The following ABCC3 variants were observed in gnomAD, a reference collection of about 807,000 sequenced individuals.
The protein encoded by ABCC3 is ATP binding cassette subfamily C member 3, also known as ATP-binding cassette sub-family C member 3.
ABCC3 carries 121 observed loss-of-function variants against 165.3 expected under a neutral mutation model. The observed-to-expected ratio is 0.73, with a 90% CI of 0.63 to 0.85. The LOEUF is 0.85. Among genes scored for constraint, ABCC3 ranks in the 40% least tolerant of loss-of-function variants. The probability of loss-of-function intolerance (pLI) is 0.00; values close to 1 mark genes in which losing one functional copy is unlikely to be tolerated. For synonymous variants in ABCC3, 733 were observed against 810.1 expected (o/e 0.90, Z 1.62); for missense variants, 1,869 against 1,964.1 (o/e 0.95, Z 0.92).
Position 50,664,112 on chromosome 17 carries a change from G to A in ABCC3, c.1338+1G>A. 1 of 1,614,118 alleles carries A rather than the reference G, an allele frequency of 6.2e-7. No homozygotes were observed. The highest frequency in any genetic ancestry group is 8.5e-7 in the Non-Finnish European group (1 of 1,180,004). ...CCTGGCGATCTACTTCCTCTGGCAG[G>A]TGACTCTCCAACCCTGACCTCTGCC... On this transcript the variant is annotated splice_donor_variant, in intron 10 of 30. Coordinates refer to ENST00000285238, the MANE Select transcript of ABCC3 (RefSeq NM_003786.4). LOFTEE classifies it high-confidence loss of function.
At chr17:50,657,499 T>C (rs1567828930) in intron 4 of ABCC3, among the ~76,000 whole-genome samples, 1 of 152,224 alleles carries the variant, frequency 6.6e-6, no homozygotes, top group African/African-American at 2.4e-5. Context: ...AACACATGTA[T>C]GCAGACAAGT....
At chr17:50,656,652 A>G (rs761563377) in intron 2 of ABCC3, 50 bp from the exon 3 acceptor site, 3 of 1,568,828 alleles carry the variant, frequency 1.9e-6, no homozygotes, top group Admixed American at 3.8e-5. Context: ...CCCAGTGAGG[A>G]CTGTCCTTGC....
At chr17:50,680,362 C>A (rs946743191) in intron 26 of ABCC3, among the ~76,000 whole-genome samples, 1 of 152,038 alleles carries the variant, frequency 6.6e-6, no homozygotes, top group Non-Finnish European at 1.5e-5. Flanking sequence ...GGGCAGCATG[C>A]CCTTTGTTGG....
At chr17:50,672,891 C>T (rs1159304897) in intron 17 of ABCC3, 80 bp from the exon 18 acceptor site, 1 of 1,348,456 alleles carries the variant, frequency 7.4e-7, no homozygotes, top group Admixed American at 2.2e-5. Flanking sequence ...AAAAATCTGC[C>T]ATCCCAAATA....
In ABCC3 at chr17:50,683,752, A is replaced by G; in HGVS notation, c.3950A>G (p.Glu1317Gly). Residue 1317 changes from glutamate to glycine, a missense_variant, in exon 27 of 31, where the codon GAG (glutamate) becomes GGG (glycine). Physicochemically the swap from Glu to Gly is moderately conservative, Grantham distance 98. Transcript: ENST00000285238. ...RDLSLHVHGGEKVGIVGRTGA... is the reference protein window; with the variant it reads ...RDLSLHVHGGGKVGIVGRTGA... ...CTGAGTCTGCATGTGCACGGTGGCG[A>G]GAAGGTACGCGTGGGGTAGGCGGGC... 6.2e-7 allele frequency: 1 copy of G among 1,604,732 alleles called. No homozygotes were observed. The highest frequency in any genetic ancestry group is 8.5e-7 in the Non-Finnish European group (1 of 1,176,616).
chr17:50,671,992 G>A (rs1013471026), intron 17 of ABCC3, among the ~76,000 whole-genome samples: 3 of 151,850 alleles, frequency 2.0e-5, no homozygotes, highest in African/African-American at 7.3e-5. Flanking sequence ...AAATTGCTGG[G>A]ATTACAGGCA....
At chr17:50,658,631 C>T in intron 6 of ABCC3, 135 bp downstream of exon 6, 1 of 978,820 alleles carries the variant, frequency 1.0e-6, no homozygotes, top group Non-Finnish European at 1.6e-6. Context: ...GGGCACAGGG[C>T]AGATGAGGGT....
rs1421472021 is a variant in ABCC3, at chr17:50,676,016, A to G, written c.2993A>G (p.Asp998Gly). ...GTGTGGCTCAGTGCCTGGACAAATG[A>G]TGCCATGGCAGACAGTAGACAGAAC... is the stretch of plus-strand genomic sequence containing the variant. ...ANVWLSAWTN[D>G]AMADSRQNNT... The change falls in exon 22 of 31, where the codon GAT becomes GGT. Residue 998 changes from aspartate to glycine, a missense_variant. Physicochemically the swap from Asp to Gly is moderately conservative, Grantham distance 94 (BLOSUM62 -1). Transcript: ENST00000285238. The G allele has an allele frequency of 1.9e-6, 3 of 1,614,200 alleles. No homozygotes were observed. The Admixed American group carries it at 5.0e-5, about 27-fold the overall frequency.
chr17:50,681,556 TC>T (rs1967929663), intron 26 of ABCC3, among the ~76,000 whole-genome samples: 1 of 151,374 alleles, frequency 6.6e-6, no homozygotes, highest in Non-Finnish European at 1.5e-5. Context: ...ACGCAAACCC[TC>T]CCCCCTGCAC....
rs1567839464 is a variant in ABCC3 at position 50,684,816 on chromosome 17, T to C, written c.4221T>C (p.Phe1407=). 3.7e-6 allele frequency: 6 copies of C among 1,614,076 alleles called. No individual in the cohort carries two copies. The highest frequency in any genetic ancestry group is 5.1e-6 in the Non-Finnish European group (6 of 1,180,002). ...TGGAGCTGTCCCACCTGCACACGTT[T>C]GTGAGCTCCCAGCCGGCAGGCCTGG... The part of the protein sequence containing the change: ...WALELSHLHT[F]VSSQPAGLDF... Residue 1407 remains phenylalanine (F), a synonymous_variant, in exon 29 of 31, where the codon TTT becomes TTC. Coordinates refer to ENST00000285238, the MANE Select transcript of ABCC3 (RefSeq NM_003786.4).
At position 50,672,871 on chromosome 17, in the gene ABCC3, A is replaced by T; in HGVS notation, c.2242-100A>T. The T allele has an allele frequency of 2.4e-5, 5 of 209,336 alleles. No individual in the cohort carries two copies. The South Asian group carries it at 7.3e-4, about 30-fold the overall frequency. The allele number at this position is 209,336 out of a possible 1,614,324, so 13.0% of individuals were successfully genotyped here. ...TGGGTGAGTGAGACCCCATCTCAGGAAAAAAAAAAAAAAATCTGCCATCCC... is the reference window on the plus strand; with the variant it reads ...TGGGTGAGTGAGACCCCATCTCAGGTAAAAAAAAAAAAAATCTGCCATCCC... On this transcript the variant is annotated intron_variant, in intron 17 of 30. Transcript: ENST00000285238.
At position 50,678,207 on chromosome 17, in the gene ABCC3, C is replaced by T. The variant is rs1300180400; in HGVS notation, c.3693C>T (p.Ser1231=). 1 of 1,527,640 alleles carries T rather than the reference C, an allele frequency of 6.5e-7. No individual in the cohort carries two copies. Among genetic ancestry groups the T allele is most frequent in the Non-Finnish European group, 8.8e-7 (1 of 1,139,780 alleles). The allele number at this position is 1,527,640 out of a possible 1,614,324, so 94.6% of individuals were successfully genotyped here. ...CGGGGCTGGTGGGCCTTTCTGTGTC[C>T]TACTCCTTGCAGGTATGAAGGGCCT... ...LNPGLVGLSV[S]YSLQVTFALN... The change falls in exon 25 of 31, where the codon TCC becomes TCT. Residue 1231 remains serine, a synonymous_variant. Coordinates refer to ENST00000285238, the MANE Select transcript of ABCC3 (RefSeq NM_003786.4).
Position 50,667,699 on chromosome 17 carries a change from G to T in ABCC3, c.1577G>T (p.Arg526Leu), listed in dbSNP as rs764888307. ...GIRQGELQLLRTAAYLHTTTT... is the reference protein window; with the variant it reads ...GIRQGELQLLLTAAYLHTTTT... ...AGGCAGGGTGAGCTCCAGCTGCTGC[G>T]CACGGCGGCCTACCTCCACACCACA... The change falls in exon 12 of 31, where the codon CGC (arginine) becomes CTC (leucine). Residue 526 changes from arginine to leucine, a missense_variant. Arg to Leu is a moderately radical substitution (Grantham distance 102). Coordinates refer to ENST00000285238, the MANE Select transcript of ABCC3 (RefSeq NM_003786.4). 4 of 1,613,944 alleles carry T rather than the reference G, an allele frequency of 2.5e-6. No individual in the cohort carries two copies.
At chr17:50,653,577 C>T (rs905803075) in intron 1 of ABCC3, among the ~76,000 whole-genome samples, 4 of 149,854 alleles carry the variant, frequency 2.7e-5, no homozygotes, top group Admixed American at 6.7e-5. Context: ...ATGATGAAAC[C>T]CCATTTCTAC....
In ABCC3 at chr17:50,677,754, C is replaced by T; in HGVS notation, c.3389C>T (p.Ala1130Val). The change falls in exon 24 of 31, where the codon GCA becomes GTA. Residue 1130 changes from alanine (A) to valine (V), a missense_variant. Transcript: ENST00000285238. Reference protein sequence around the residue: ...VLYTLVQRFYAATSRQLKRLE... With the variant: ...VLYTLVQRFYVATSRQLKRLE... ...TTCTCCCTCCATCAGCGCTTCTATG[C>T]AGCCACATCACGGCAACTGAAGCGG... 6.2e-7 allele frequency: 1 copy of T among 1,614,056 alleles called. No homozygotes were observed. Among genetic ancestry groups the T allele is most frequent in the Non-Finnish European group, 8.5e-7 (1 of 1,179,990 alleles).
chr17:50,649,198 A>T (rs981673654), intron 1 of ABCC3, among the ~76,000 whole-genome samples: 2 of 152,174 alleles, frequency 1.3e-5, no homozygotes, highest in Non-Finnish European at 2.9e-5. Flanking sequence ...AGCAGAGTTT[A>T]TCTGAGCAAA....
chr17:50,687,877 T>C (rs1968051908), intron 30 of ABCC3, 147 bp downstream of exon 30: 4 of 854,440 alleles, frequency 4.7e-6, no homozygotes, highest in Non-Finnish European at 7.2e-6. Flanking sequence ...TCCCAAGATC[T>C]GGATAAGGGG....
In ABCC3 at chr17:50,634,925, C is replaced by T; in HGVS notation, c.-12C>T. On this transcript the variant is annotated 5_prime_UTR_variant, in exon 1 of 31. Coordinates refer to ENST00000285238, the MANE Select transcript of ABCC3 (RefSeq NM_003786.4). The stretch of plus-strand genomic sequence containing the variant: ...ACCGCGCTCGCCTTCCTTGCAGCCG[C>T]GCCTCGGCCCCATGGACGCCCTGTG... 4 of 1,254,130 alleles carry T rather than the reference C, an allele frequency of 3.2e-6. No individual in the cohort carries two copies. The highest frequency in any genetic ancestry group is 4.0e-6 in the Non-Finnish European group (4 of 997,848). The allele number at this position is 1,254,130 out of a possible 1,614,324, so 77.7% of individuals were successfully genotyped here.
At chr17:50,683,408 G>A (rs550248110) in intron 26 of ABCC3, among the ~76,000 whole-genome samples, 2 of 151,688 alleles carry the variant, frequency 1.3e-5, no homozygotes, top group South Asian at 2.1e-4. Context: ...GGAAGGACAG[G>A]GGAGTGTTGG....
Sources: gnomAD v4.1 joint callset for allele counts (sites outside exome capture counted in the v4.1 genomes callset) on GRCh38, gnomAD v4.1.1 for gene constraint, MANE v1.5 for transcripts, NCBI Gene and HGNC (gene_info 2026-07-23, HGNC 2026-07-21) for gene names.